RFX8: variants seen among roughly 807,000 people sequenced by gnomAD.
RFX8 encodes DNA-binding protein RFX8.
A neutral mutation model predicts 54.6 loss-of-function variants in RFX8; 46 were observed. The observed-to-expected ratio is 0.84, with a 90% confidence interval of 0.67 to 1.08. The LOEUF (loss-of-function observed/expected upper bound fraction) is 1.08. Ranked by LOEUF, RFX8 falls within the 50% of genes least tolerant of loss-of-function variation. The pLI, the probability that RFX8 is intolerant of heterozygous loss-of-function variation, is 0.00. For synonymous variants in RFX8, 192 were observed against 209.5 expected (o/e 0.92, Z 0.72); for missense variants, 536 against 562.3 (o/e 0.95, Z 0.47).
intron 10 of RFX8, 114 bp from the exon 11 acceptor site, chr2:101,402,866 C>A: frequency 1.1e-6 from 1 of 943,168 alleles, no homozygotes; most frequent in Non-Finnish European, 1.6e-6. Flanking sequence ...AGCCTCGTTC[C>A]AATAGCTTAC....
Position 101,410,524 on chromosome 2 carries a change from C to T in RFX8, c.813+95G>A. On this transcript the variant is annotated intron_variant, in intron 9 of 11. Transcript: ENST00000428343. Reference sequence around the variant, plus strand: ...AGCTTTGACACATTTCCGACCAGAGCCTAAGAAGCCTCTTTCCCATCCCTT... The same window carrying T: ...AGCTTTGACACATTTCCGACCAGAGTCTAAGAAGCCTCTTTCCCATCCCTT... 6 of 681,532 alleles carry T rather than the reference C, an allele frequency of 8.8e-6. No individual in the cohort carries two copies. In the South Asian group the frequency reaches 1.1e-4, roughly 13 times the overall value. 42.2% of individuals were successfully genotyped at this position (681,532 alleles called of 1,614,324 possible). A position where few individuals can be genotyped will look rare whatever the true frequency, so the allele number is the denominator to read the frequency against.
Position 101,466,819 on chromosome 2 carries a change from C to T in RFX8, c.30G>A (p.Gly10=). 6.4e-7 allele frequency: 1 copy of T among 1,551,578 alleles called. No homozygotes were observed. The highest frequency in any genetic ancestry group is 1.2e-5 in the South Asian group (1 of 84,064). The part of the protein sequence containing the change: MYEIYVETC[G]QNTENQVNPA... ...GGTTGACTTGGTTCTCAGTGTTTTG[C>T]CCACAGGTCTCCACGTAAATCTCAT... The change falls in exon 2 of 12, where the codon GGG becomes GGA. Residue 10 remains glycine (G), a synonymous_variant. Transcript: ENST00000428343.
intron 2 of RFX8, among the ~76,000 whole-genome samples, chr2:101,465,387 G>C (rs986736362): frequency 6.6e-6 from 1 of 152,158 alleles, no homozygotes; most frequent in Non-Finnish European, 1.5e-5. Flanking sequence ...GTGCACGCCT[G>C]TAGTCCCAGA....
rs748976143 is a variant in RFX8 at position 101,417,529 on chromosome 2, C to G, written c.502+5G>C. On this transcript the variant is annotated splice_donor_5th_base_variant and intron_variant, in intron 6 of 11. Transcript: ENST00000428343. ...CCAGAATTTATTTTTTTCATCGAAA[C>G]CTACCTTTGAGTTTGGAGATCTGCA... 6 of 1,543,816 alleles carry G rather than the reference C, an allele frequency of 3.9e-6. No homozygotes were observed. The highest frequency in any genetic ancestry group is 1.2e-5 in the South Asian group (1 of 82,310).
chr2:101,468,263 A>C (rs1689690591), intron 1 of RFX8, among the ~76,000 whole-genome samples: 1 of 152,148 alleles, frequency 6.6e-6, no homozygotes, highest in Non-Finnish European at 1.5e-5. Flanking sequence ...TAAAAATCCA[A>C]GTGCCAGCAA....
chr2:101,435,551 T>C (rs936096829), intron 2 of RFX8, among the ~76,000 whole-genome samples: 2 of 152,196 alleles, frequency 1.3e-5, no homozygotes, highest in African/African-American at 4.8e-5. Flanking sequence ...CACGCACATA[T>C]ACACACGTAC....
At chr2:101,472,155 G>C (rs932592780) in intron 1 of RFX8, among the ~76,000 whole-genome samples, 1 of 152,174 alleles carries the variant, frequency 6.6e-6, no homozygotes, top group Admixed American at 6.5e-5. Flanking sequence ...CGCTGAAGCA[G>C]AGTGGCGCAA....
At chr2:101,448,491 C>G (rs1181688421) in intron 2 of RFX8, among the ~76,000 whole-genome samples, 1 of 152,246 alleles carries the variant, frequency 6.6e-6, no homozygotes. Flanking sequence ...CATTGCTTCA[C>G]TCAAAGCCCA....
chr2:101,448,779 C>T (rs2148968777), intron 2 of RFX8, among the ~76,000 whole-genome samples: 1 of 152,298 alleles, frequency 6.6e-6, no homozygotes, highest in East Asian at 1.9e-4. Flanking sequence ...ATTGTTCAAA[C>T]TAGAACACCT....
chr2:101,404,927 G>C (rs1423371194), intron 10 of RFX8, among the ~76,000 whole-genome samples: 1 of 152,156 alleles, frequency 6.6e-6, no homozygotes, highest in African/African-American at 2.4e-5. Context: ...AATAGGGCTT[G>C]CTTTCTCTTC....
intron 9 of RFX8, among the ~76,000 whole-genome samples, 164 bp from the exon 10 acceptor site, chr2:101,406,221 T>C (rs567278375): frequency 2.6e-5 from 4 of 152,210 alleles, no homozygotes; most frequent in Non-Finnish European, 5.9e-5. Context: ...GGCAAATGTC[T>C]GGTCTTTCTC....
intron 2 of RFX8, among the ~76,000 whole-genome samples, chr2:101,424,424 G>A (rs1199961294): frequency 6.6e-6 from 1 of 152,208 alleles, no homozygotes; most frequent in Non-Finnish European, 1.5e-5. Flanking sequence ...TTGGTGGAGT[G>A]TAAACTAGTT....
intron 2 of RFX8, among the ~76,000 whole-genome samples, chr2:101,452,964 G>A (rs67512011): frequency 0.099 from 8,132 of 82,090 alleles, 436 homozygotes; most frequent in African/African-American, 0.16. Flanking sequence ...AATTAGCTGG[G>A]CGTGGTAACA....
intron 2 of RFX8, among the ~76,000 whole-genome samples, chr2:101,462,888 C>G (rs948203683): frequency 6.6e-6 from 1 of 151,970 alleles, no homozygotes; most frequent in East Asian, 1.9e-4. Flanking sequence ...ACAGCACACT[C>G]AAGTGAAAAT....
chr2:101,408,384 C>A (rs1685879253), intron 9 of RFX8, among the ~76,000 whole-genome samples: 1 of 151,952 alleles, frequency 6.6e-6, no homozygotes, highest in Non-Finnish European at 1.5e-5. Context: ...ACTCGGGAGG[C>A]TGAGGCAGGA....
At position 101,466,893 on chromosome 2, in the gene RFX8, C is replaced by T. The variant is rs368285484; in HGVS notation, c.-45G>A. ...CACTCTTCGCAAATGCAGAAGTTGT[C>T]GACCAACCTGGAGGAGAGGAGGACA... On this transcript the variant is annotated 5_prime_UTR_variant, in exon 2 of 12. Coordinates refer to ENST00000428343, the MANE Select transcript of RFX8 (RefSeq NM_001145664.2). 272 of 1,422,092 alleles carry T rather than the reference C, an allele frequency of 1.9e-4. 1 individual carries two copies. Among genetic ancestry groups the T allele is most frequent in the Non-Finnish European group, 2.6e-4 (264 of 1,028,882 alleles). The allele number at this position is 1,422,092 out of a possible 1,614,324, so 88.1% of individuals were successfully genotyped here.
intron 2 of RFX8, among the ~76,000 whole-genome samples, chr2:101,440,070 C>G (rs749264782): frequency 6.6e-6 from 1 of 150,858 alleles, no homozygotes; most frequent in Non-Finnish European, 1.5e-5. Flanking sequence ...TTTTAGAAGA[C>G]GCTTGTCTAT....
chr2:101,463,930 C>G (rs1245206579), intron 2 of RFX8, among the ~76,000 whole-genome samples: 2 of 152,200 alleles, frequency 1.3e-5, no homozygotes, highest in African/African-American at 2.4e-5. Flanking sequence ...ACTGGATACT[C>G]TAAGCATCAG....
rs1037110483 is a variant in RFX8 at position 101,428,808 on chromosome 2, CT to C, written c.73-6337del. The C allele has an allele frequency of 1.1e-4, 68 of 600,398 alleles. 2 individuals are homozygous for C. Among genetic ancestry groups the C allele is most frequent in the African/African-American group, 1.1e-3 (60 of 54,828 alleles). The allele number at this position is 600,398 out of a possible 1,614,324, so 37.2% of individuals were successfully genotyped here. On this transcript the variant is annotated intron_variant, in intron 2 of 11. Transcript: ENST00000428343. Reference sequence around the variant, plus strand: ...GCACGGCATGTGGAAAGTGGTGGCACTGAACATTCATGGTCAGATGGGTGAA... The same window carrying C: ...GCACGGCATGTGGAAAGTGGTGGCACGAACATTCATGGTCAGATGGGTGAA...
Sources: allele counts gnomAD v4.1 joint callset (sites outside exome capture counted in the v4.1 genomes callset), GRCh38; gene constraint gnomAD v4.1.1; transcripts MANE v1.5; gene names NCBI Gene and HGNC (gene_info 2026-07-23, HGNC 2026-07-21).